Variants in CHD9 observed in about 807,000 individuals in gnomAD.
CHD9 encodes ATP-dependent chromatin remodeler CHD9.
In CHD9, 77 loss-of-function variants were observed where a neutral mutation model predicts 316.1. The observed-to-expected ratio is 0.24, with a 90% CI of 0.20 to 0.29. CHD9 has a LOEUF of 0.29. Among genes scored for constraint, CHD9 ranks in the 10% least tolerant of loss-of-function variants. The pLI is 1.00. For synonymous variants in CHD9, 1,129 were observed against 1,158.3 expected (o/e 0.97, Z 0.51); for missense variants, 2,763 against 3,438.1 (o/e 0.80, Z 4.91).
At chr16:53,237,565 G>C (rs2048738298) in intron 11 of CHD9, among the ~76,000 whole-genome samples, 1 of 151,916 alleles carries the variant, frequency 6.6e-6, no homozygotes, top group South Asian at 2.1e-4. Context: ...TGGTCCTTCA[G>C]TTCATCATGT....
chr16:53,091,009 C>CCG (rs1555481483), intron 1 of CHD9, among the ~76,000 whole-genome samples: 1 of 151,670 alleles, frequency 6.6e-6, no homozygotes, highest in Non-Finnish European at 1.5e-5. Context: ...TCACCCCCCC[C>CCG]CGACTGACCG....
intron 1 of CHD9, among the ~76,000 whole-genome samples, chr16:53,106,098 G>T (rs2037325204): frequency 6.6e-6 from 1 of 152,176 alleles, no homozygotes; most frequent in Non-Finnish European, 1.5e-5. Flanking sequence ...GGGATTACAG[G>T]CGTGAGCCAC....
At chr16:53,108,829 C>G (rs543910852) in intron 1 of CHD9, among the ~76,000 whole-genome samples, 1 of 151,248 alleles carries the variant, frequency 6.6e-6, no homozygotes, top group Non-Finnish European at 1.5e-5. Context: ...GAGCTGAGAT[C>G]GATCCATTGC....
chr16:53,263,349 G>A (rs931057165), intron 20 of CHD9, among the ~76,000 whole-genome samples: 4 of 151,956 alleles, frequency 2.6e-5, no homozygotes, highest in African/African-American at 7.2e-5. Flanking sequence ...ATTATAATAT[G>A]TTTTTTAAAT....
At chr16:53,102,887 T>C (rs1381938565) in intron 1 of CHD9, among the ~76,000 whole-genome samples, 3 of 151,978 alleles carry the variant, frequency 2.0e-5, no homozygotes, top group Non-Finnish European at 4.4e-5. Flanking sequence ...GCTCTGTCAC[T>C]CAGGCTGGAG....
At chr16:53,208,496 G>A in intron 2 of CHD9, 2 of 1,146,190 alleles carry the variant, frequency 1.7e-6, no homozygotes, top group Non-Finnish European at 2.2e-6. Flanking sequence ...CTCGAGTCTT[G>A]GTTATTTGTT....
intron 23 of CHD9, among the ~76,000 whole-genome samples, chr16:53,274,008 T>G (rs940346454): frequency 3.9e-5 from 6 of 152,178 alleles, no homozygotes; most frequent in Non-Finnish European, 8.8e-5. Flanking sequence ...TCATTATATC[T>G]TACTTGTATA....
At chr16:53,294,195 A>G (rs2054591544) in intron 29 of CHD9, among the ~76,000 whole-genome samples, 1 of 152,218 alleles carries the variant, frequency 6.6e-6, no homozygotes, top group South Asian at 2.1e-4. Flanking sequence ...AAAGGAATAG[A>G]GTACATGGAA....
chr16:53,217,579 A>G (rs906976652), intron 3 of CHD9, among the ~76,000 whole-genome samples: 2 of 152,170 alleles, frequency 1.3e-5, no homozygotes, highest in African/African-American at 4.8e-5. Flanking sequence ...AATAGCTTTC[A>G]TGAAGCTTTC....
chr16:53,159,799 G>A (rs781517376), intron 2 of CHD9, among the ~76,000 whole-genome samples: 29 of 152,038 alleles, frequency 1.9e-4, no homozygotes, highest in Non-Finnish European at 3.4e-4. Flanking sequence ...CAGTAGAGAC[G>A]GGGTTTCAGC....
At chr16:53,065,391 T>C (rs551453225) in intron 1 of CHD9, among the ~76,000 whole-genome samples, 4 of 152,148 alleles carry the variant, frequency 2.6e-5, no homozygotes, top group Admixed American at 1.3e-4. Context: ...CCCAGCACTT[T>C]GGGAGACAAA....
intron 1 of CHD9, among the ~76,000 whole-genome samples, chr16:53,077,566 A>G (rs2034649883): frequency 6.6e-6 from 1 of 151,998 alleles, no homozygotes; most frequent in African/African-American, 2.4e-5. Context: ...TGACTTCGTG[A>G]TCCGCCTGCC....
chr16:53,119,551 A>G (rs201983162), intron 1 of CHD9, among the ~76,000 whole-genome samples: 1 of 151,954 alleles, frequency 6.6e-6, no homozygotes, highest in East Asian at 1.9e-4. Context: ...AAAACAAGTC[A>G]TCTGGGCATG....
chr16:53,077,363 G>A (rs112668253), intron 1 of CHD9, among the ~76,000 whole-genome samples: 6,320 of 150,828 alleles, frequency 0.042, 429 homozygotes, highest in African/African-American at 0.15. Flanking sequence ...TCGCTCTGTC[G>A]CCCAGGCTGG....
intron 1 of CHD9, among the ~76,000 whole-genome samples, chr16:53,084,215 A>C (rs2035268832): frequency 6.6e-6 from 1 of 152,158 alleles, no homozygotes; most frequent in Non-Finnish European, 1.5e-5. Context: ...ATATGCAGTT[A>C]CTTGCTGGTC....
At chr16:53,203,973 G>A (rs367607771) in intron 2 of CHD9, among the ~76,000 whole-genome samples, 171 of 131,860 alleles carry the variant, frequency 1.3e-3, no homozygotes, top group African/African-American at 4.5e-3. Context: ...GCAGTGAGCC[G>A]AGATCACACC....
intron 2 of CHD9, among the ~76,000 whole-genome samples, chr16:53,179,102 G>A (rs766093990): frequency 2.6e-5 from 4 of 152,172 alleles, no homozygotes; most frequent in Non-Finnish European, 4.4e-5. Flanking sequence ...AGATTTTGCC[G>A]TATTTGCTTT....
At chr16:53,172,687 T>G (rs1460583325) in intron 2 of CHD9, among the ~76,000 whole-genome samples, 1 of 152,214 alleles carries the variant, frequency 6.6e-6, no homozygotes, top group East Asian at 1.9e-4. Context: ...TGATCTGATA[T>G]GGTCACTGTT....
At chr16:53,227,708 G>A in intron 7 of CHD9, 105 bp downstream of exon 7, 1 of 301,282 alleles carries the variant, frequency 3.3e-6, no homozygotes. Context: ...ACATTTTTAT[G>A]ATAATTTTTA....
Sources: gnomAD v4.1 joint callset for allele counts (sites outside exome capture counted in the v4.1 genomes callset) on GRCh38, gnomAD v4.1.1 for gene constraint, MANE v1.5 for transcripts, NCBI Gene and HGNC (gene_info 2026-07-23, HGNC 2026-07-21) for gene names.